The following C2CD3 variants were observed in gnomAD, a reference collection of about 807,000 sequenced individuals.
The protein encoded by C2CD3 is C2 domain-containing protein 3.
In C2CD3, 148 loss-of-function variants were observed where a neutral mutation model predicts 234.0. The ratio of observed to expected loss-of-function variants is 0.63; its 90% CI spans 0.55 to 0.72. C2CD3 has a LOEUF of 0.72. C2CD3 is among the 30% of genes least tolerant of loss of function. The pLI is 0.00. For missense variants in C2CD3, 2,577 were observed against 2,811.5 expected, an observed-to-expected ratio of 0.92 and a Z score of 1.89; for synonymous variants, 1,000 against 1,035.4, an observed-to-expected ratio of 0.97 and a Z score of 0.66.
intron 3 of C2CD3, among the ~76,000 whole-genome samples, chr11:74,143,637 C>T (rs1057378409): frequency 4.0e-5 from 6 of 151,028 alleles, no homozygotes; most frequent in Non-Finnish European, 8.8e-5. Flanking sequence ...TCTCCCACCT[C>T]AGCTTCCTGA....
At chr11:74,022,096 G>A (rs1023349698) in intron 32 of C2CD3, among the ~76,000 whole-genome samples, 13 of 151,944 alleles carry the variant, frequency 8.6e-5, no homozygotes, top group African/African-American at 3.1e-4. Context: ...ACCACACTCC[G>A]ACCTGGGCAA....
intron 24 of C2CD3, among the ~76,000 whole-genome samples, chr11:74,069,230 A>C (rs1954686776): frequency 6.6e-6 from 1 of 152,188 alleles, no homozygotes; most frequent in Non-Finnish European, 1.5e-5. Context: ...GTGGGTGAAA[A>C]AGAAATCAGC....
At chr11:74,035,553 T>C (rs147360328) in intron 30 of C2CD3, among the ~76,000 whole-genome samples, 1,608 of 152,268 alleles carry the variant, frequency 0.011, 34 homozygotes, top group Non-Finnish European at 0.012. Flanking sequence ...TCATGTTGTA[T>C]CTCTAGGGCC....
rs1955865348 is a variant in C2CD3, at chr11:74,090,892, C to T, written c.3562G>A (p.Ala1188Thr). ...GLRYRRSPRTAEGVLAARTVS... is the reference protein window; with the variant it reads ...GLRYRRSPRTTEGVLAARTVS... ...GTTCGGGCAGCAAGAACTCCCTCTG[C>T]TGTTCTTGGACTACGCCTGTACCTT... The change falls in exon 20 of 33, where the codon GCA becomes ACA. Residue 1188 changes from alanine to threonine, a missense_variant. Coordinates refer to ENST00000334126, the MANE Select transcript of C2CD3 (RefSeq NM_001286577.2). 6.2e-7 allele frequency: 1 copy of T among 1,614,014 alleles called. No individual in the cohort carries two copies. Among genetic ancestry groups the T allele is most frequent in the Admixed American group, 1.7e-5 (1 of 60,024 alleles).
At chr11:74,025,808 C>T (rs1370302946) in intron 32 of C2CD3, among the ~76,000 whole-genome samples, 1 of 152,110 alleles carries the variant, frequency 6.6e-6, no homozygotes, top group African/African-American at 2.4e-5. Context: ...ATTAGCCTGA[C>T]ATTACTTTTA....
chr11:74,042,318 A>T (rs1953107204), intron 28 of C2CD3, 100 bp from the exon 29 acceptor site: 1 of 1,205,682 alleles, frequency 8.3e-7, no homozygotes. Flanking sequence ...CCTGAAATGG[A>T]ATGCAAATCT....
At chr11:74,021,756 G>A (rs1035622201) in intron 32 of C2CD3, among the ~76,000 whole-genome samples, 1 of 152,214 alleles carries the variant, frequency 6.6e-6, no homozygotes, top group Non-Finnish European at 1.5e-5. Context: ...TCTGATTAGA[G>A]TGTGATATTA....
intron 7 of C2CD3, among the ~76,000 whole-genome samples, chr11:74,130,140 A>AGGGAGT (rs1957607323): frequency 9.7e-6 from 1 of 102,644 alleles, no homozygotes; most frequent in African/African-American, 4.3e-5. Flanking sequence ...GGAGAGGGAG[A>AGGGAGT]GGGAGAGGGG....
At chr11:74,108,554 T>G (rs1283266460) in intron 12 of C2CD3, among the ~76,000 whole-genome samples, 1 of 152,248 alleles carries the variant, frequency 6.6e-6, no homozygotes, top group Non-Finnish European at 1.5e-5. Context: ...TTATGTATTC[T>G]GCCTGCAAAC....
chr11:74,025,010 G>C (rs1157349445), intron 32 of C2CD3, among the ~76,000 whole-genome samples: 1 of 152,032 alleles, frequency 6.6e-6, no homozygotes, highest in Non-Finnish European at 1.5e-5. Context: ...ATGTTGTTAA[G>C]GGCAACAAAG....
chr11:74,068,074 A>C (rs147998981), intron 24 of C2CD3, among the ~76,000 whole-genome samples: 1 of 152,150 alleles, frequency 6.6e-6, no homozygotes, highest in African/African-American at 2.4e-5. Flanking sequence ...TTCTGAACTT[A>C]AAAGATTTAG....
chr11:74,134,763 G>A (rs999003683), intron 5 of C2CD3, among the ~76,000 whole-genome samples: 3 of 152,144 alleles, frequency 2.0e-5, no homozygotes, highest in Non-Finnish European at 4.4e-5. Flanking sequence ...GTCTTGCTCT[G>A]TTGCCCTAGC....
rs1290318881 is a variant in C2CD3, at chr11:74,034,052, C to T, written c.6108G>A (p.Glu2036=). 14 of 1,536,422 alleles carry T rather than the reference C, an allele frequency of 9.1e-6. 1 individual carries two copies. The South Asian group carries it at 1.4e-4, about 16-fold the overall frequency. ...ETSNGGRMLH[E]SLRHAVPITR... ...TAATGGGTACTGCATGCCTCAGGGACTCATGGAGCATTCTTCCTCCATTTG... is the reference window on the plus strand; with the variant it reads ...TAATGGGTACTGCATGCCTCAGGGATTCATGGAGCATTCTTCCTCCATTTG... The change falls in exon 31 of 33, where the codon GAG becomes GAA. Residue 2036 remains glutamate (E), a synonymous_variant. Transcript: ENST00000334126.
At position 74,138,858 on chromosome 11, in the gene C2CD3, T is replaced by C. The variant is rs746125204; in HGVS notation, c.817A>G (p.Lys273Glu). The stretch of plus-strand genomic sequence containing the variant: ...ATCTGCTTCCGTGGAGCTCTGCCTT[T>C]CAGAGTTACAGACTCTAAACTCTGT... The part of the protein sequence containing the change: ...SGQSLESVTL[K>E]GRAPRKQMSL... Residue 273 changes from lysine (K) to glutamate (E), a missense_variant, in exon 5 of 33, where the codon AAA becomes GAA. Transcript: ENST00000334126. 4.3e-5 allele frequency: 70 copies of C among 1,613,756 alleles called. No individual in the cohort carries two copies. The highest frequency in any genetic ancestry group is 3.3e-4 in the Middle Eastern group (2 of 6,084).
At position 74,057,180 on chromosome 11, in the gene C2CD3, G is replaced by A. The variant is rs826047; in HGVS notation, c.5090+226C>T. On this transcript the variant is annotated intron_variant, in intron 25 of 32. Coordinates refer to ENST00000334126, the MANE Select transcript of C2CD3 (RefSeq NM_001286577.2). ...CCTAAAACAGAGAGGTCCTCTCACTGAACAATTTTTGAGCATACTGAGAAG... is the reference window on the plus strand; with the variant it reads ...CCTAAAACAGAGAGGTCCTCTCACTAAACAATTTTTGAGCATACTGAGAAG... Among the ~76,000 whole-genome samples the A allele has an allele frequency of 0.046, 6,994 of 152,140 alleles. 468 individuals carry two copies. The highest frequency in any genetic ancestry group is 0.15 in the African/African-American group (6,216 of 41,466).
At chr11:74,069,737 G>GT (rs1440084420) in intron 24 of C2CD3, among the ~76,000 whole-genome samples, 3 of 152,100 alleles carry the variant, frequency 2.0e-5, no homozygotes. Flanking sequence ...TCTCCATCTG[G>GT]TTAAGAGAAG....
chr11:74,086,583 C>T (rs565102327), intron 20 of C2CD3, among the ~76,000 whole-genome samples: 2 of 152,286 alleles, frequency 1.3e-5, no homozygotes, highest in South Asian at 2.1e-4. Context: ...TGTAAGATTA[C>T]TTATGGTCAA....
chr11:74,022,062 G>A (rs2129672), intron 32 of C2CD3, among the ~76,000 whole-genome samples: 2,706 of 152,186 alleles, frequency 0.018, 74 homozygotes, highest in African/African-American at 0.061. Context: ...GGAGGCAGAG[G>A]TTGCAGTGAG....
chr11:74,111,033 C>G (rs1366082356), intron 11 of C2CD3, among the ~76,000 whole-genome samples: 1 of 147,746 alleles, frequency 6.8e-6, no homozygotes, highest in Non-Finnish European at 1.5e-5. Flanking sequence ...CTGTGGCCAA[C>G]AACAACAATA....
Sources: allele counts gnomAD v4.1 joint callset (sites outside exome capture counted in the v4.1 genomes callset), GRCh38; gene constraint gnomAD v4.1.1; transcripts MANE v1.5; gene names NCBI Gene and HGNC (gene_info 2026-07-23, HGNC 2026-07-21).